BSN: variants seen among roughly 807,000 people sequenced by gnomAD.
BSN encodes protein bassoon.
A neutral mutation model predicts 264.8 loss-of-function variants in BSN; 57 were observed. That is an observed-to-expected ratio of 0.22 (90% CI 0.17 to 0.27). The LOEUF is 0.27. Ranked by LOEUF, BSN falls within the 10% of genes least tolerant of loss-of-function variation. The pLI is 1.00. For synonymous variants in BSN, 2,059 were observed against 2,137.3 expected, an observed-to-expected ratio of 0.96 and a Z score of 1.01; for missense variants, 4,615 against 5,232.5, an observed-to-expected ratio of 0.88 and a Z score of 3.64.
At position 49,554,769 on chromosome 3, in the gene BSN, C is replaced by T; in HGVS notation, c.167C>T (p.Ala56Val). The T allele has an allele frequency of 8.1e-7, 1 of 1,228,750 alleles. No individual in the cohort carries two copies. Among genetic ancestry groups the T allele is most frequent in the Non-Finnish European group, 1.0e-6 (1 of 985,732 alleles). The allele number at this position is 1,228,750 out of a possible 1,614,324, so 76.1% of individuals were successfully genotyped here. A position where few individuals can be genotyped will look rare whatever the true frequency, so the allele number is the denominator to read the frequency against. ...LPAAGAARST[A>V]VPPVPGPGPG... ...GCGGCGGGAGCAGCGCGGTCGACCG[C>T]GGTACCACCGGTCCCTGGCCCCGGC... is the stretch of plus-strand genomic sequence containing the variant. Residue 56 changes from alanine (A) to valine (V), a missense_variant, in exon 1 of 12, where the codon GCG becomes GTG. Physicochemically the swap from Ala to Val is moderately conservative, Grantham distance 64. Coordinates refer to ENST00000296452, the MANE Select transcript of BSN (RefSeq NM_003458.4).
chr3:49,575,540 ATG>A lies in BSN; in HGVS notation c.224+20720_224+20721del, dbSNP rs562783007. On this transcript the variant is annotated intron_variant, in intron 1 of 11. Transcript: ENST00000296452. Reference sequence around the variant, plus strand: ...TATATGTGTGTATATATGTAAATATATGTGTGTATAGATGTAAATATATATGC... The same window carrying A: ...TATATGTGTGTATATATGTAAATATATGTGTATAGATGTAAATATATATGC... Among the ~76,000 whole-genome samples, 354 of 147,488 alleles carry A rather than the reference ATG, an allele frequency of 2.4e-3. 1 individual carries two copies. The highest frequency in any genetic ancestry group is 3.9e-3 in the Non-Finnish European group (264 of 67,226).
chr3:49,569,882 A>C (rs1389731815), intron 1 of BSN, among the ~76,000 whole-genome samples: 1 of 152,182 alleles, frequency 6.6e-6, no homozygotes, highest in Non-Finnish European at 1.5e-5. Context: ...CTGGAGTGAC[A>C]GTCGTGTGGG....
downstream of BSN, among the ~76,000 whole-genome samples, chr3:49,673,113 T>TTTTTTTTTC (rs2052850845): frequency 7.4e-6 from 1 of 135,890 alleles, no homozygotes; most frequent in African/African-American, 2.7e-5. Flanking sequence ...TTTTTTTTTT[T>TTTTTTTTTC]TTACTTAACT....
rs773227744 is a variant in BSN at position 49,651,656 on chromosome 3, C to T, written c.2100C>T (p.Val700=). Residue 700 remains valine (V), a synonymous_variant, in exon 5 of 12, where the codon GTC becomes GTT. Coordinates refer to ENST00000296452, the MANE Select transcript of BSN (RefSeq NM_003458.4). This position sits in a 1 kb window ranked among gnomAD's most constrained non-coding sequence, Gnocchi z 5.4. ...GCTCCCAGAGTGAGATCACAGGAGT[C>T]GTGCAGCAGGAGGTGGAACAGCTGG... ...ISSSQSEITG[V]VQQEVEQLDS... is the part of the protein sequence containing the mutation. The T allele has an allele frequency of 9.3e-6, 15 of 1,614,098 alleles. 1 individual carries two copies. The highest frequency in any genetic ancestry group is 6.7e-5 in the Admixed American group (4 of 60,020).
At chr3:49,641,073 T>C (rs2052459254) in intron 2 of BSN, among the ~76,000 whole-genome samples, 1 of 151,594 alleles carries the variant, frequency 6.6e-6, no homozygotes, top group Non-Finnish European at 1.5e-5. Context: ...TGCTGAAGAG[T>C]TCCCAAGGTG....
chr3:49,571,886 A>G (rs2051799240), intron 1 of BSN, among the ~76,000 whole-genome samples: 1 of 152,186 alleles, frequency 6.6e-6, no homozygotes, highest in African/African-American at 2.4e-5. Context: ...CCCATACCCC[A>G]ATAAATTAGC....
At chr3:49,613,843 G>A (rs948406146) in intron 1 of BSN, among the ~76,000 whole-genome samples, 1 of 151,924 alleles carries the variant, frequency 6.6e-6, no homozygotes, top group Non-Finnish European at 1.5e-5. Flanking sequence ...GATGCGTTCA[G>A]ACATTCAAGA....
intron 2 of BSN, among the ~76,000 whole-genome samples, chr3:49,626,058 A>T (rs1279050647): frequency 6.6e-6 from 1 of 152,136 alleles, no homozygotes; most frequent in Non-Finnish European, 1.5e-5. Context: ...CATTTCTGTG[A>T]GTTTGGCTTC....
At chr3:49,667,087 T>C (rs1575454612) in intron 11 of BSN, among the ~76,000 whole-genome samples, 1 of 152,274 alleles carries the variant, frequency 6.6e-6, no homozygotes, top group East Asian at 1.9e-4. Flanking sequence ...CAGACACAGC[T>C]TTGTTCTGCG....
In BSN at chr3:49,653,030, C is replaced by T. The variant is rs746826290; in HGVS notation, c.3474C>T (p.Phe1158=). The change falls in exon 5 of 12, where the codon TTC becomes TTT. Residue 1158 remains phenylalanine (F), a synonymous_variant. Coordinates refer to ENST00000296452, the MANE Select transcript of BSN (RefSeq NM_003458.4). This position sits in a 1 kb window ranked among gnomAD's most constrained non-coding sequence, Gnocchi z 6.3. ...GCAGTGAGTACAACCTGCCCACCTT[C>T]ATGTCCCTCTACTCACCAACCGAGA... ...KSGSEYNLPT[F]MSLYSPTETP... 11 of 1,613,502 alleles carry T rather than the reference C, an allele frequency of 6.8e-6. No homozygotes were observed. The highest frequency in any genetic ancestry group is 7.6e-6 in the Non-Finnish European group (9 of 1,180,014).
In BSN at chr3:49,564,799, C is replaced by A. The variant is rs142072843; in HGVS notation, c.224+9973C>A. ...TACGGTTGGATTGGAGAGGCAACCA[C>A]CCCTTGCACCCTAGCCATGGCAGCC... On this transcript the variant is annotated intron_variant, in intron 1 of 11. Coordinates refer to ENST00000296452, the MANE Select transcript of BSN (RefSeq NM_003458.4). Among the ~76,000 whole-genome samples the A allele has an allele frequency of 3.9e-3, 594 of 152,284 alleles. 2 individuals carry two copies. Among genetic ancestry groups the A allele is most frequent in the African/African-American group, 0.013 (560 of 41,562 alleles).
rs764776662 is a variant in BSN, at chr3:49,655,576, G to A, written c.6020G>A (p.Gly2007Asp). The A allele has an allele frequency of 3.1e-6, 5 of 1,613,592 alleles. No homozygotes were observed. The Admixed American group carries it at 8.3e-5, about 27-fold the overall frequency. The change falls in exon 5 of 12, where the codon GGT (glycine) becomes GAT (aspartate). Residue 2007 changes from glycine to aspartate, a missense_variant. Physicochemically the swap from Gly to Asp is moderately conservative, Grantham distance 94 (BLOSUM62 -1). Transcript: ENST00000296452. ...HAQRIGQLFQ[G>D]PGRDSAMDLS... ...CAGAGGATCGGGCAGCTCTTCCAGG[G>A]TCCTGGACGAGACTCGGCTATGGAC...
At chr3:49,606,098 CATATA>C (rs371437522) in intron 1 of BSN, among the ~76,000 whole-genome samples, 11,121 of 45,326 alleles carry the variant, frequency 0.25, 2,260 homozygotes, top group Non-Finnish European at 0.27. Context: ...TTATATATAA[CATATA>C]ATATATAATA....
At chr3:49,572,338 GGGAGCAGCTGAGTA>G (rs1291207406) in intron 1 of BSN, among the ~76,000 whole-genome samples, 1 of 152,176 alleles carries the variant, frequency 6.6e-6, no homozygotes, top group Admixed American at 6.5e-5. Context: ...TGAAGTCAGT[GGGAGCAGCTGAGTA>G]GGGAGTGGGT....
chr3:49,661,675 G>T lies in BSN; in HGVS notation c.9830G>T (p.Gly3277Val). The T allele has an allele frequency of 6.2e-7, 1 of 1,613,694 alleles. No homozygotes were observed. Among genetic ancestry groups the T allele is most frequent in the Non-Finnish European group, 8.5e-7 (1 of 1,180,032 alleles). Reference sequence around the variant, plus strand: ...CCTGGAGAACCAGGTGTCCTTGACGGGCCCACACTGCCCTGCTGCTATGCC... The same window carrying T: ...CCTGGAGAACCAGGTGTCCTTGACGTGCCCACACTGCCCTGCTGCTATGCC... ...KEPGEPGVLDGPTLPCCYARG... is the reference protein window; with the variant it reads ...KEPGEPGVLDVPTLPCCYARG... The change falls in exon 6 of 12, where the codon GGG (glycine) becomes GTG (valine). Residue 3277 changes from glycine (G) to valine (V), a missense_variant. By Grantham distance (109) the Gly-to-Val change is moderately radical (BLOSUM62 -3). Around this residue, in one of 3 missense-constraint regions of BSN, gnomAD observed 3,415 missense variants for 3,866.4 expected, o/e 0.88. Transcript: ENST00000296452.
In BSN at chr3:49,658,256, C is replaced by T; in HGVS notation, c.8640+60C>T. ...GGGTCTCTGCCTAGCCCGAGGGGCC[C>T]CCACAGGGAGGGGCTTCTTCTGGGG... On this transcript the variant is annotated intron_variant, in intron 5 of 11. Transcript: ENST00000296452. 5.4e-6 allele frequency: 8 copies of T among 1,474,292 alleles called. No individual in the cohort carries two copies. The South Asian group carries it at 8.6e-5, about 16-fold the overall frequency. 91.3% of individuals were successfully genotyped at this position (1,474,292 alleles called of 1,614,324 possible). A position where few individuals can be genotyped will look rare whatever the true frequency, so the allele number is the denominator to read the frequency against.
At chr3:49,574,776 G>A (rs527968101) in intron 1 of BSN, among the ~76,000 whole-genome samples, 7 of 151,788 alleles carry the variant, frequency 4.6e-5, no homozygotes, top group South Asian at 2.1e-4. Context: ...GACTACAGGC[G>A]TGTGCCACCA....
At chr3:49,594,750 C>A (rs892004509) in intron 1 of BSN, among the ~76,000 whole-genome samples, 9 of 152,128 alleles carry the variant, frequency 5.9e-5, no homozygotes, top group African/African-American at 1.9e-4. Flanking sequence ...ATTAAACTTA[C>A]AGATTAATTT....
chr3:49,612,790 TG>T (rs1334493403), intron 1 of BSN, among the ~76,000 whole-genome samples: 3 of 152,204 alleles, frequency 2.0e-5, no homozygotes, highest in Non-Finnish European at 4.4e-5. Flanking sequence ...AAAGATATAA[TG>T]GAAGAAAACT....
Sources: gnomAD v4.1 joint callset for allele counts (sites outside exome capture counted in the v4.1 genomes callset) on GRCh38, gnomAD v4.1.1 for gene constraint, gnomAD v4.1.1 regional missense constraint, Gnocchi (gnomAD v3.1) non-coding constraint, MANE v1.5 for transcripts, NCBI Gene and HGNC (gene_info 2026-07-23, HGNC 2026-07-21) for gene names.